The following SHANK2 variants were observed in gnomAD, a reference collection of about 807,000 sequenced individuals.
The protein encoded by SHANK2 is SH3 and multiple ankyrin repeat domains protein 2.
In SHANK2, 43 loss-of-function variants were observed where a neutral mutation model predicts 133.7. The ratio of observed to expected loss-of-function variants is 0.32; its 90% CI spans 0.25 to 0.41. The LOEUF (loss-of-function observed/expected upper bound fraction) is 0.41, where lower values mean the gene tolerates loss of function less well. Ranked by LOEUF, SHANK2 falls within the 10% of genes least tolerant of loss-of-function variation. The pLI is 1.00. For synonymous variants in SHANK2, 1,017 were observed against 952.8 expected (o/e 1.07, Z -1.24); for missense variants, 1,994 against 2,235.8 (o/e 0.89, Z 2.18).
At chr11:71,177,041 A>G (rs1423798006) in intron 2 of SHANK2, among the ~76,000 whole-genome samples, 1 of 152,242 alleles carries the variant, frequency 6.6e-6, no homozygotes, top group Admixed American at 6.5e-5. Context: ...AAATGATTCA[A>G]GTGAGCAGAC....
chr11:70,862,756 GGGGTGGGGAGCTT>G (rs1239394626), intron 11 of SHANK2: 1 of 278,888 alleles, frequency 3.6e-6, no homozygotes, highest in Non-Finnish European at 7.1e-6. Flanking sequence ...GCTTGGGGTG[GGGGTGGGGAGCTT>G]GGTTTTGGAC....
intron 2 of SHANK2, among the ~76,000 whole-genome samples, chr11:71,213,160 A>G (rs1176475721): frequency 6.6e-6 from 1 of 152,044 alleles, no homozygotes. Context: ...GAACAAGCAA[A>G]GGTGGAAAAG....
chr11:71,231,669 C>T (rs1377573625), intron 1 of SHANK2, among the ~76,000 whole-genome samples: 2 of 152,170 alleles, frequency 1.3e-5, no homozygotes, highest in Non-Finnish European at 2.9e-5. Flanking sequence ...AGGTGAATCG[C>T]TTTGACCCCA....
chr11:71,094,508 G>T (rs782170776), intron 7 of SHANK2, 29 bp downstream of exon 7: 25 of 1,541,000 alleles, frequency 1.6e-5, no homozygotes, highest in Non-Finnish European at 2.2e-5. Context: ...GCACGGGGTG[G>T]CACCCAAGTA....
intron 17 of SHANK2, among the ~76,000 whole-genome samples, chr11:70,556,047 G>A (rs1554979481): frequency 5.3e-5 from 8 of 152,244 alleles, no homozygotes. Flanking sequence ...AGAAGCTGCA[G>A]CAAGTTCTCC....
At chr11:71,226,992 G>A (rs1440870455) in intron 1 of SHANK2, among the ~76,000 whole-genome samples, 1 of 152,018 alleles carries the variant, frequency 6.6e-6, no homozygotes, top group African/African-American at 2.4e-5. Context: ...AAGAGACAAA[G>A]AAGATTGTAT....
chr11:71,067,640 A>C (rs1456378735), intron 9 of SHANK2, among the ~76,000 whole-genome samples: 2 of 152,170 alleles, frequency 1.3e-5, no homozygotes, highest in Non-Finnish European at 2.9e-5. Context: ...GTGCTTTTAG[A>C]TCTAACAAGG....
intron 8 of SHANK2, among the ~76,000 whole-genome samples, chr11:71,081,797 C>T (rs1011632213): frequency 7.9e-5 from 12 of 152,228 alleles, no homozygotes; most frequent in Admixed American, 7.9e-4. Context: ...GAAAGCACAG[C>T]TCACTGTTGC....
At chr11:70,637,961 G>C (rs1201093463) in intron 17 of SHANK2, among the ~76,000 whole-genome samples, 1 of 152,204 alleles carries the variant, frequency 6.6e-6, no homozygotes, top group African/African-American at 2.4e-5. Context: ...ACTGAGCACA[G>C]GTTCTCGGGG....
At chr11:71,085,623 ATAT>A (rs1479826905) in intron 8 of SHANK2, among the ~76,000 whole-genome samples, 4 of 69,078 alleles carry the variant, frequency 5.8e-5, no homozygotes, top group South Asian at 4.2e-4. Context: ...ATTATATTAT[ATAT>A]TATAATATAT....
At chr11:70,701,755 TC>T (rs1217340335) in intron 14 of SHANK2, among the ~76,000 whole-genome samples, 16 of 151,968 alleles carry the variant, frequency 1.1e-4, no homozygotes, top group African/African-American at 3.9e-4. Context: ...CATGCAGGAA[TC>T]CCCCTGCACA....
At chr11:70,687,969 G>A (rs1945192799) in intron 15 of SHANK2, among the ~76,000 whole-genome samples, 1 of 152,226 alleles carries the variant, frequency 6.6e-6, no homozygotes, top group Non-Finnish European at 1.5e-5. Flanking sequence ...TCTGAGCCAG[G>A]AGCCTCCCTG....
At chr11:70,492,502 A>AGTGGGGGAAGC in intron 21 of SHANK2, 37 bp from the exon 22 acceptor site, 1 of 1,612,968 alleles carries the variant, frequency 6.2e-7, no homozygotes, top group Non-Finnish European at 8.5e-7. Flanking sequence ...CAGCAACACC[A>AGTGGGGGAAGC]GTGGGGGAAG....
At chr11:71,084,275 T>G (rs1951347632) in intron 8 of SHANK2, among the ~76,000 whole-genome samples, 1 of 152,234 alleles carries the variant, frequency 6.6e-6, no homozygotes, top group African/African-American at 2.4e-5. Flanking sequence ...CCGGCCCGAA[T>G]AACAACTTTT....
intron 1 of SHANK2, among the ~76,000 whole-genome samples, chr11:71,246,719 G>T (rs150728443): frequency 5.3e-4 from 80 of 152,132 alleles, no homozygotes; most frequent in African/African-American, 1.7e-3. Context: ...ACATAAGAAA[G>T]GCATAGCTAT....
chr11:70,617,696 T>C (rs1416888162), intron 17 of SHANK2, among the ~76,000 whole-genome samples: 6 of 152,090 alleles, frequency 3.9e-5, no homozygotes, highest in Admixed American at 2.0e-4. Context: ...AGGTGGAGTT[T>C]ACCCCACGTG....
chr11:71,085,002 C>T (rs1951359228), intron 8 of SHANK2, among the ~76,000 whole-genome samples: 2 of 152,152 alleles, frequency 1.3e-5, no homozygotes, highest in South Asian at 2.1e-4. Flanking sequence ...CTGTCATGTG[C>T]CTGGGTTTGC....
At chr11:70,862,643 GGACTGGACTGGCTGATA>G (rs1261106219) in intron 11 of SHANK2, 11 of 304,372 alleles carry the variant, frequency 3.6e-5, no homozygotes, top group Non-Finnish European at 5.6e-5. Flanking sequence ...ACTGGCTGAT[GGACTGGACTGGCTGATA>G]GACTGGACTG....
intron 14 of SHANK2, among the ~76,000 whole-genome samples, chr11:70,702,607 A>T (rs916388283): frequency 2.0e-5 from 3 of 152,232 alleles, no homozygotes; most frequent in Non-Finnish European, 2.9e-5. Context: ...CATCATTGCC[A>T]TTATCACTGT....
Sources: allele counts gnomAD v4.1 joint callset (sites outside exome capture counted in the v4.1 genomes callset), GRCh38; gene constraint gnomAD v4.1.1; transcripts MANE v1.5; gene names NCBI Gene and HGNC (gene_info 2026-07-23, HGNC 2026-07-21).